Variants in SULF1 observed in about 807,000 individuals in gnomAD.
The protein encoded by SULF1 is extracellular sulfatase Sulf-1.
SULF1 carries 46 observed loss-of-function variants against 110.5 expected under a neutral mutation model. The ratio of observed to expected loss-of-function variants is 0.42; its 90% CI spans 0.33 to 0.53. The LOEUF is 0.53. Among genes scored for constraint, SULF1 ranks in the 20% least tolerant of loss-of-function variants. The pLI is 0.12. For synonymous variants in SULF1, 371 were observed against 387.1 expected, an observed-to-expected ratio of 0.96 and a Z score of 0.49; for missense variants, 941 against 1,094.2, an observed-to-expected ratio of 0.86 and a Z score of 1.98.
intron 13 of SULF1, among the ~76,000 whole-genome samples, chr8:69,616,702 G>GTGT (rs1809170954): frequency 1.7e-4 from 18 of 104,598 alleles, no homozygotes; most frequent in East Asian, 9.2e-4. Context: ...GTGCCCGGCC[G>GTGT]TTTTTTTTTT....
At chr8:69,644,482 AC>A (rs1811727299) in intron 22 of SULF1, among the ~76,000 whole-genome samples, 1 of 151,922 alleles carries the variant, frequency 6.6e-6, no homozygotes, top group East Asian at 1.9e-4. Context: ...GCACCACCAA[AC>A]TCCATCATCA....
intron 3 of SULF1, among the ~76,000 whole-genome samples, chr8:69,506,115 C>T (rs1170447881): frequency 6.6e-6 from 1 of 152,058 alleles, no homozygotes; most frequent in African/African-American, 2.4e-5. Flanking sequence ...CAAAACGGTT[C>T]ATACAATTTC....
rs144167507 is a variant in SULF1 at position 69,505,015 on chromosome 8, A to G, written c.-134+3047A>G. 1.8e-4 allele frequency among the ~76,000 whole-genome samples: 27 copies of G among 152,290 alleles called. No homozygotes were observed. In the East Asian group the frequency reaches 5.2e-3, roughly 29 times the overall value. On this transcript the variant is annotated intron_variant, in intron 3 of 22. Coordinates refer to ENST00000402687, the MANE Select transcript of SULF1 (RefSeq NM_001128205.2). ...AAAGTTCTTTCATTTAATATTCAGA[A>G]CTGCTTACCTGTAGCTCATTGAACT...
chr8:69,589,315 A>C (rs983973015), intron 8 of SULF1, among the ~76,000 whole-genome samples, 174 bp downstream of exon 8: 16 of 152,254 alleles, frequency 1.1e-4, no homozygotes, highest in African/African-American at 3.4e-4. Flanking sequence ...AGCCTGAAAG[A>C]AAGCGCCTTA....
intron 22 of SULF1, among the ~76,000 whole-genome samples, chr8:69,655,725 A>G (rs542321932): frequency 5.9e-5 from 9 of 152,226 alleles, no homozygotes; most frequent in Non-Finnish European, 1.3e-4. Context: ...CTGTTATCTT[A>G]TTTAACCTTT....
chr8:69,583,496 C>A (rs1160972639), intron 6 of SULF1, among the ~76,000 whole-genome samples: 1 of 151,902 alleles, frequency 6.6e-6, no homozygotes, highest in African/African-American at 2.4e-5. Flanking sequence ...ATCGCTTGAA[C>A]CCAAGAGGCA....
intron 7 of SULF1, 146 bp downstream of exon 7, chr8:69,586,654 C>G (rs994504375): frequency 6.6e-5 from 64 of 962,650 alleles, no homozygotes; most frequent in Non-Finnish European, 9.2e-5. Context: ...ATTTTAAACT[C>G]TAGGCAAGGA....
chr8:69,503,065 A>G (rs1364911092), intron 3 of SULF1, among the ~76,000 whole-genome samples: 2 of 151,830 alleles, frequency 1.3e-5, no homozygotes, highest in South Asian at 2.1e-4. Flanking sequence ...ACTTTCATGA[A>G]CCTCACCTAA....
At chr8:69,590,271 C>G (rs1806796191) in intron 8 of SULF1, among the ~76,000 whole-genome samples, 1 of 152,108 alleles carries the variant, frequency 6.6e-6, no homozygotes, top group Admixed American at 6.6e-5. Context: ...AAACAATTCT[C>G]CCACCTCAGG....
At chr8:69,609,770 G>A (rs1217744137) in intron 13 of SULF1, among the ~76,000 whole-genome samples, 3 of 152,172 alleles carry the variant, frequency 2.0e-5, no homozygotes, top group Non-Finnish European at 2.9e-5. Context: ...AGAATCATAT[G>A]GGCAGCTTTA....
chr8:69,557,466 AC>A (rs1471619114), intron 3 of SULF1, among the ~76,000 whole-genome samples: 1 of 152,148 alleles, frequency 6.6e-6, no homozygotes, highest in African/African-American at 2.4e-5. Flanking sequence ...TGGTTTTAGT[AC>A]CTGCTTTTAT....
At chr8:69,473,238 A>G (rs1235387417) in intron 1 of SULF1, 2 of 152,206 alleles carry the variant, frequency 1.3e-5, no homozygotes, top group Admixed American at 1.3e-4. Context: ...TGTTTACTAC[A>G]CAGGTACAAA....
At chr8:69,625,665 G>A (rs1265962891) in intron 15 of SULF1, among the ~76,000 whole-genome samples, 1 of 152,220 alleles carries the variant, frequency 6.6e-6, no homozygotes, top group Non-Finnish European at 1.5e-5. Context: ...GCTCAGGAGT[G>A]AAGCTACAGA....
At chr8:69,470,081 G>A (rs1482966096) in intron 1 of SULF1, among the ~76,000 whole-genome samples, 1 of 152,082 alleles carries the variant, frequency 6.6e-6, no homozygotes, top group African/African-American at 2.4e-5. Context: ...TTCTGATACT[G>A]AGCTATATAT....
intron 13 of SULF1, 139 bp from the exon 14 acceptor site, chr8:69,620,896 G>C (rs1809542979): frequency 1.7e-6 from 1 of 596,722 alleles, no homozygotes; most frequent in Non-Finnish European, 2.8e-6. Flanking sequence ...TTAAAAGCTT[G>C]CCTTTCTTCA....
chr8:69,591,252 T>C (rs1308427236), intron 8 of SULF1, among the ~76,000 whole-genome samples: 2 of 151,970 alleles, frequency 1.3e-5, no homozygotes, highest in East Asian at 1.9e-4. Context: ...GCAATAGCTT[T>C]TTGAAAAACA....
chr8:69,564,111 A>G lies in SULF1; in HGVS notation c.136A>G (p.Ile46Val), dbSNP rs1815701303. The change falls in exon 5 of 23, where the codon ATT (isoleucine) becomes GTT (valine). Residue 46 changes from isoleucine (I) to valine (V), a missense_variant. Physicochemically the swap from Ile to Val is conservative, Grantham distance 29 (BLOSUM62 3). This residue lies in a region of SULF1 where 822 missense variants were observed against 934.3 expected (regional missense o/e 0.88). Transcript: ENST00000402687. ...ACGAAAAAACATCCGACCCAACATT[A>G]TTCTTGTGCTTACCGATGATCAAGA... ...QERKNIRPNI[I>V]LVLTDDQDVE... 1 of 1,614,042 alleles carries G rather than the reference A, an allele frequency of 6.2e-7. No individual in the cohort carries two copies. The highest frequency in any genetic ancestry group is 1.3e-5 in the African/African-American group (1 of 74,916).
chr8:69,535,581 C>A (rs1813379657), intron 3 of SULF1, among the ~76,000 whole-genome samples: 1 of 152,088 alleles, frequency 6.6e-6, no homozygotes, highest in African/African-American at 2.4e-5. Context: ...GGGCCTCTAG[C>A]GTTAGGATGT....
chr8:69,493,761 A>G (rs567428511), intron 1 of SULF1, among the ~76,000 whole-genome samples: 49 of 152,362 alleles, frequency 3.2e-4, no homozygotes, highest in African/African-American at 1.1e-3. Flanking sequence ...GAAGGTTCTA[A>G]TATTAAAGAA....
Sources: allele counts gnomAD v4.1 joint callset (sites outside exome capture counted in the v4.1 genomes callset), GRCh38; gene constraint gnomAD v4.1.1; regional missense constraint gnomAD v4.1.1; transcripts MANE v1.5; gene names NCBI Gene and HGNC (gene_info 2026-07-23, HGNC 2026-07-21).